The following GALNT13 variants were observed in gnomAD, a reference collection of about 807,000 sequenced individuals.
GALNT13 encodes the protein UDP-GalNAc:polypeptide N-acetylgalactosaminyltransferase 13.
GALNT13 carries 28 observed loss-of-function variants against 64.2 expected under a neutral mutation model. That is an observed-to-expected ratio of 0.44 (90% CI 0.32 to 0.60). The LOEUF is 0.60. Among genes scored for constraint, GALNT13 ranks in the 20% least tolerant of loss-of-function variants. The pLI, the probability that GALNT13 is intolerant of heterozygous loss-of-function variation, is 0.05. For synonymous variants in GALNT13, 214 were observed against 224.6 expected (o/e 0.95, Z 0.42); for missense variants, 577 against 669.8 (o/e 0.86, Z 1.53).
chr2:154,383,993 A>G (rs958292857), intron 9 of GALNT13, among the ~76,000 whole-genome samples: 1 of 151,876 alleles, frequency 6.6e-6, no homozygotes, highest in South Asian at 2.1e-4. Context: ...TATTTAGAGA[A>G]TGTCTACTGA....
At chr2:154,249,575 A>G (rs1689963053) in intron 7 of GALNT13, among the ~76,000 whole-genome samples, 1 of 152,056 alleles carries the variant, frequency 6.6e-6, no homozygotes, top group East Asian at 1.9e-4. Context: ...TAAATGAAAA[A>G]CCTACTGGTA....
At chr2:154,322,110 AT>A (rs1037225185) in intron 9 of GALNT13, among the ~76,000 whole-genome samples, 2 of 126,326 alleles carry the variant, frequency 1.6e-5, no homozygotes, top group African/African-American at 6.2e-5. Context: ...TAACTTGGAA[AT>A]TTTGAGTTTG....
the GALNT13 span, among the ~76,000 whole-genome samples, chr2:153,632,134 C>G: frequency 1.3e-5 from 2 of 152,098 alleles, no homozygotes; most frequent in African/African-American, 4.8e-5. Flanking sequence ...TATGTTTTTC[C>G]TGCTGTAAAA....
intron 3 of GALNT13, among the ~76,000 whole-genome samples, chr2:153,988,073 TACACAC>T (rs70981691): frequency 6.2e-5 from 9 of 146,060 alleles, no homozygotes; most frequent in Non-Finnish European, 9.0e-5. Context: ...TATATATATA[TACACAC>T]ACACACACAC....
At chr2:153,662,574 C>T in the GALNT13 span, among the ~76,000 whole-genome samples, 1 of 152,268 alleles carries the variant, frequency 6.6e-6, no homozygotes, top group African/African-American at 2.4e-5. Flanking sequence ...AGCATCCTAT[C>T]ACACAGATTT....
the GALNT13 span, among the ~76,000 whole-genome samples, chr2:153,071,926 T>G: frequency 6.6e-6 from 1 of 152,198 alleles, no homozygotes; most frequent in African/African-American, 2.4e-5. Context: ...TGCCAACACT[T>G]GCCTTAGAAG....
the GALNT13 span, among the ~76,000 whole-genome samples, chr2:153,703,218 A>C: frequency 6.6e-6 from 1 of 152,154 alleles, no homozygotes; most frequent in African/African-American, 2.4e-5. Flanking sequence ...ATACACATTT[A>C]ATCTTTCCAA....
At chr2:153,824,160 G>GTATA in the GALNT13 span, among the ~76,000 whole-genome samples, 70 of 150,412 alleles carry the variant, frequency 4.7e-4, 2 homozygotes, top group South Asian at 0.014. Flanking sequence ...GCTATACACT[G>GTATA]TATATATATA....
At chr2:153,222,200 C>T in the GALNT13 span, among the ~76,000 whole-genome samples, 1 of 142,416 alleles carries the variant, frequency 7.0e-6, no homozygotes, top group Admixed American at 7.1e-5. Flanking sequence ...AGCTCCTTTC[C>T]TCAGGCAGGT....
chr2:154,167,416 A>C (rs993554897), intron 4 of GALNT13, among the ~76,000 whole-genome samples: 5 of 152,090 alleles, frequency 3.3e-5, no homozygotes, highest in Admixed American at 3.3e-4. Flanking sequence ...TTACTAACTG[A>C]ACTTTGTTGA....
chr2:154,316,246 A>G (rs1223656851), intron 9 of GALNT13, among the ~76,000 whole-genome samples: 1 of 152,132 alleles, frequency 6.6e-6, no homozygotes, highest in Non-Finnish European at 1.5e-5. Context: ...TGCCATTTTA[A>G]CTTTCTAATT....
intron 10 of GALNT13, 78 bp downstream of exon 10, chr2:154,396,208 A>G (rs528686780): frequency 3.6e-5 from 33 of 923,132 alleles, no homozygotes; most frequent in East Asian, 5.7e-5. Context: ...AGTATTTTTT[A>G]TGTTATGAAA....
the GALNT13 span, among the ~76,000 whole-genome samples, chr2:153,309,675 C>T: frequency 2.0e-5 from 3 of 152,000 alleles, no homozygotes; most frequent in African/African-American, 7.2e-5. Context: ...TTCTTAGATA[C>T]TCTAAAATCC....
At chr2:153,538,366 T>A in the GALNT13 span, among the ~76,000 whole-genome samples, 1 of 114,110 alleles carries the variant, frequency 8.8e-6, no homozygotes, top group East Asian at 3.0e-4. Context: ...ATTTTTATTT[T>A]ATTTATTTTA....
the GALNT13 span, among the ~76,000 whole-genome samples, chr2:153,575,466 C>A: frequency 6.6e-6 from 1 of 152,174 alleles, no homozygotes; most frequent in Non-Finnish European, 1.5e-5. Flanking sequence ...GTGGTGAGTA[C>A]CCCAAGGTCC....
At position 154,094,277 on chromosome 2, in the gene GALNT13, C is replaced by T. The variant is rs146436004; in HGVS notation, c.143-46060C>T. Among the ~76,000 whole-genome samples the T allele has an allele frequency of 4.6e-4, 70 of 151,902 alleles. No individual in the cohort carries two copies. The Middle Eastern group carries it at 0.01, about 22-fold the overall frequency. On this transcript the variant is annotated intron_variant, in intron 3 of 12. Transcript: ENST00000392825. ...AATGAGTAAAGCAATAGGTGCAGATCGTGAAAGGAAATATCTGGGCCATGT... is the reference window on the plus strand; with the variant it reads ...AATGAGTAAAGCAATAGGTGCAGATTGTGAAAGGAAATATCTGGGCCATGT...
intron 8 of GALNT13, chr2:154,287,159 G>T: frequency 1.3e-6 from 2 of 1,482,244 alleles, no homozygotes; most frequent in Non-Finnish European, 9.3e-7. Context: ...AGAAGCGGTG[G>T]AAGCCAAACA....
chr2:153,296,377 C>A, the GALNT13 span, among the ~76,000 whole-genome samples: 1 of 152,094 alleles, frequency 6.6e-6, no homozygotes, highest in Non-Finnish European at 1.5e-5. Context: ...TTGGCACCTA[C>A]CTTGCAAAAT....
the GALNT13 span, among the ~76,000 whole-genome samples, chr2:153,563,562 T>C: frequency 2.6e-5 from 4 of 152,110 alleles, no homozygotes; most frequent in Non-Finnish European, 5.9e-5. Flanking sequence ...GTTTCACTAC[T>C]CGAGAGCTTC....
Sources: gnomAD v4.1 joint callset for allele counts (sites outside exome capture counted in the v4.1 genomes callset) on GRCh38, gnomAD v4.1.1 for gene constraint, MANE v1.5 for transcripts, NCBI Gene and HGNC (gene_info 2026-07-23, HGNC 2026-07-21) for gene names.